MRPS6: variants seen among roughly 807,000 people sequenced by gnomAD.
MRPS6 encodes the protein small ribosomal subunit protein bS6m.
In MRPS6, 6 loss-of-function variants were observed where a neutral mutation model predicts 13.1. The ratio of observed to expected loss-of-function variants is 0.46; its 90% confidence interval spans 0.25 to 0.91. The LOEUF is 0.91. Among genes scored for constraint, MRPS6 ranks in the 40% least tolerant of loss-of-function variants. MRPS6 has a pLI of 0.18. For missense variants in MRPS6, 164 were observed against 155.6 expected (o/e 1.05, Z -0.29); for synonymous variants, 61 against 56.5 (o/e 1.08, Z -0.36).
intron 2 of MRPS6, among the ~76,000 whole-genome samples, chr21:34,127,956 AAG>A (rs1259351731): frequency 6.6e-6 from 1 of 152,226 alleles, no homozygotes; most frequent in Non-Finnish European, 1.5e-5. Context: ...AAATTACGGC[AAG>A]GCGCTGATTT....
At chr21:34,098,992 GTC>G in intron 1 of MRPS6, 1 of 989,214 alleles carries the variant, frequency 1.0e-6, no homozygotes, top group South Asian at 4.7e-5. Context: ...TCAAAACTCA[GTC>G]TTTTTAATTT....
intron 1 of MRPS6, among the ~76,000 whole-genome samples, chr21:34,076,358 G>T (rs1989330854): frequency 1.3e-5 from 2 of 152,140 alleles, no homozygotes; most frequent in Non-Finnish European, 2.9e-5. Flanking sequence ...CCCTGTGTTG[G>T]CTGTCACAGT....
At position 34,125,383 on chromosome 21, in the gene MRPS6, A is replaced by G; in HGVS notation, c.88A>G (p.Met30Val). 6.2e-7 allele frequency: 1 copy of G among 1,614,012 alleles called. No homozygotes were observed. The highest frequency in any genetic ancestry group is 8.5e-7 in the Non-Finnish European group (1 of 1,179,918). Residue 30 changes from methionine to valine, a missense_variant, in exon 2 of 3, where the codon ATG becomes GTG. By Grantham distance (21) the Met-to-Val change is conservative (BLOSUM62 1). Coordinates refer to ENST00000399312, the MANE Select transcript of MRPS6 (RefSeq NM_032476.4). ...TTTGAAACGTACGATAGAGGCCCTG[A>G]TGGACAGAGGAGCAATAGTGAGGGA... ...ATLKRTIEALMDRGAIVRDLE... is the reference protein window; with the variant it reads ...ATLKRTIEALVDRGAIVRDLE...
intron 1 of MRPS6, among the ~76,000 whole-genome samples, chr21:34,115,074 T>G (rs1602950974): frequency 6.6e-6 from 1 of 152,314 alleles, no homozygotes; most frequent in East Asian, 1.9e-4. Flanking sequence ...CTTTTTACGT[T>G]TGCAAATTCA....
At chr21:34,091,954 G>A (rs777330040) in intron 1 of MRPS6, among the ~76,000 whole-genome samples, 4 of 152,014 alleles carry the variant, frequency 2.6e-5, no homozygotes, top group Non-Finnish European at 5.9e-5. Context: ...AGAGGTTTGC[G>A]TGAATGATGA....
rs539870068 is a variant in MRPS6 at position 34,098,357 on chromosome 21, G to A, written c.45+24612G>A. ...GAAGAAAAATTGACGCTGCCTTTGT[G>A]TGCTGGATTGCTCTACTTGATTAGA... On this transcript the variant is annotated intron_variant, in intron 1 of 2. Transcript: ENST00000399312. The A allele has an allele frequency of 9.0e-6, 9 of 1,000,258 alleles. No homozygotes were observed. In the African/African-American group the frequency reaches 1.4e-4, roughly 16 times the overall value. The allele number at this position is 1,000,258 out of a possible 1,614,324, so 62.0% of individuals were successfully genotyped here.
intron 1 of MRPS6, among the ~76,000 whole-genome samples, chr21:34,081,809 C>T (rs1400496772): frequency 6.6e-6 from 1 of 152,112 alleles, no homozygotes; most frequent in Non-Finnish European, 1.5e-5. Context: ...TCATTATTCC[C>T]AGTTTATTAA....
intron 1 of MRPS6, among the ~76,000 whole-genome samples, chr21:34,107,522 A>G (rs1979527587): frequency 1.3e-5 from 2 of 152,196 alleles, no homozygotes; most frequent in Admixed American, 6.5e-5. Flanking sequence ...ATTAAAAACC[A>G]TGTAAATAAC....
At chr21:34,086,398 T>TATGA (rs1978379105) in intron 1 of MRPS6, among the ~76,000 whole-genome samples, 2 of 152,312 alleles carry the variant, frequency 1.3e-5, no homozygotes, top group South Asian at 4.1e-4. Flanking sequence ...AGCATCCCTG[T>TATGA]ACTCATAGCC....
intron 1 of MRPS6, chr21:34,099,788 A>G (rs781636822): frequency 2.5e-6 from 2 of 804,394 alleles, no homozygotes; most frequent in Non-Finnish European, 3.1e-6. Flanking sequence ...CTATTAGCAT[A>G]TTCATTAGAA....
At chr21:34,081,417 A>G (rs762816215) in intron 1 of MRPS6, among the ~76,000 whole-genome samples, 2 of 152,218 alleles carry the variant, frequency 1.3e-5, no homozygotes, top group Non-Finnish European at 1.5e-5. Context: ...ATGACTGGAT[A>G]TGGCTTTGGG....
chr21:34,097,087 C>G (rs1978998441), intron 1 of MRPS6: 4 of 1,614,064 alleles, frequency 2.5e-6, no homozygotes, highest in Non-Finnish European at 3.4e-6. Context: ...CCAGTTGACG[C>G]TTACTCCAAT....
At chr21:34,125,105 T>C in intron 1 of MRPS6, 1 of 554,994 alleles carries the variant, frequency 1.8e-6, no homozygotes, top group South Asian at 3.1e-5. Flanking sequence ...GTCCCTGAAC[T>C]CTCCGAAGCC....
chr21:34,110,258 G>A (rs980755045), intron 1 of MRPS6, among the ~76,000 whole-genome samples: 1 of 152,186 alleles, frequency 6.6e-6, no homozygotes, highest in Admixed American at 6.5e-5. Context: ...GAGCCCAGGA[G>A]TTCGAGACCA....
At chr21:34,112,426 C>CG (rs34574851) in intron 1 of MRPS6, among the ~76,000 whole-genome samples, 112,057 of 151,992 alleles carry the variant, frequency 0.74, 42,476 homozygotes, top group African/African-American at 0.92. Context: ...TGGATCTTTT[C>CG]AAAAAAACAG....
chr21:34,078,630 G>C (rs1359573424), intron 1 of MRPS6, among the ~76,000 whole-genome samples: 1 of 152,104 alleles, frequency 6.6e-6, no homozygotes, highest in Non-Finnish European at 1.5e-5. Flanking sequence ...GAGTTCAAAA[G>C]CAATGACGGG....
chr21:34,123,495 C>T (rs530836571), intron 1 of MRPS6: 1 of 152,134 alleles, frequency 6.6e-6, no homozygotes, highest in South Asian at 2.1e-4. Context: ...TTAATAGCTG[C>T]CCTGTCAGCA....
intron 2 of MRPS6, among the ~76,000 whole-genome samples, chr21:34,128,829 C>T (rs1270660232): frequency 2.0e-5 from 3 of 152,220 alleles, no homozygotes; most frequent in African/African-American, 7.2e-5. Context: ...CCCTTGGCAG[C>T]AGAATGGGGC....
chr21:34,103,562 C>G (rs1202385789), intron 1 of MRPS6: 1 of 999,990 alleles, frequency 1.0e-6, no homozygotes, highest in Non-Finnish European at 1.2e-6. Flanking sequence ...AAGCTAAAGT[C>G]CATAGAAAGC....
Sources: gnomAD v4.1 joint callset for allele counts (sites outside exome capture counted in the v4.1 genomes callset) on GRCh38, gnomAD v4.1.1 for gene constraint, MANE v1.5 for transcripts, NCBI Gene and HGNC (gene_info 2026-07-23, HGNC 2026-07-21) for gene names.